The following RARS2 variants were observed in gnomAD, a reference collection of about 807,000 sequenced individuals.
RARS2 encodes the protein probable arginine--tRNA ligase, mitochondrial.
A neutral mutation model predicts 88.5 loss-of-function variants in RARS2; 67 were observed. That is an observed-to-expected ratio of 0.76 (90% CI 0.62 to 0.93). The LOEUF (loss-of-function observed/expected upper bound fraction) is 0.93. RARS2 is among the 40% of genes least tolerant of loss of function. The probability of loss-of-function intolerance (pLI) is 0.00; values close to 1 mark genes in which losing one functional copy is unlikely to be tolerated. For synonymous variants in RARS2, 239 were observed against 230.3 expected, an observed-to-expected ratio of 1.04 and a Z score of -0.34; for missense variants, 664 against 684.2, an observed-to-expected ratio of 0.97 and a Z score of 0.33.
intron 6 of RARS2, among the ~76,000 whole-genome samples, chr6:87,546,625 A>G (rs1396355101): frequency 6.6e-6 from 1 of 152,200 alleles, no homozygotes; most frequent in East Asian, 1.9e-4. Context: ...CCTTGATGAC[A>G]AGGTTCCATA....
intron 1 of RARS2, chr6:87,584,582 A>C (rs903217805): frequency 3.0e-6 from 1 of 338,000 alleles, no homozygotes; most frequent in African/African-American, 2.2e-5. Flanking sequence ...TTAGTTACAC[A>C]AATAGTGAAG....
chr6:87,576,862 A>C (rs1267484756), intron 1 of RARS2, among the ~76,000 whole-genome samples: 1 of 152,224 alleles, frequency 6.6e-6, no homozygotes, highest in East Asian at 1.9e-4. Context: ...CCAATCAAGA[A>C]AACTCCATGG....
In RARS2 at chr6:87,514,311, C is replaced by CAAA. The variant is rs5878032; in HGVS notation, c.*99_*101dup. On this transcript the variant is annotated 3_prime_UTR_variant, in exon 20 of 20. Transcript: ENST00000369536. ...GGGCAACAAGAGCGAAACTCCATCT[C>CAAA]AAAAAAAAAAAAAAAAAATTTAAAT... The CAAA allele has an allele frequency of 4.8e-4, 276 of 574,312 alleles. No individual in the cohort carries two copies. Among genetic ancestry groups the CAAA allele is most frequent in the Non-Finnish European group, 5.6e-4 (198 of 352,768 alleles). The allele number at this position is 574,312 out of a possible 1,614,324, so 35.6% of individuals were successfully genotyped here.
At chr6:87,581,782 G>A (rs1286922560) in intron 1 of RARS2, among the ~76,000 whole-genome samples, 1 of 152,056 alleles carries the variant, frequency 6.6e-6, no homozygotes, top group East Asian at 1.9e-4. Context: ...ACGCTGGTGT[G>A]TGTTCTTCCC....
At chr6:87,570,456 T>C (rs1769306433) in intron 1 of RARS2, among the ~76,000 whole-genome samples, 4 of 152,184 alleles carry the variant, frequency 2.6e-5, no homozygotes, top group African/African-American at 7.2e-5. Context: ...TCTCGCTCTG[T>C]CACCCAGGCT....
At position 87,571,919 on chromosome 6, in the gene RARS2, T is replaced by C. The variant is rs1490329892; in HGVS notation, c.37-2329A>G. ...GTACAATATTTTTATTTTCTAGACT[T>C]TAGGAAGTAAATTACTGTATTCCTT... On this transcript the variant is annotated intron_variant, in intron 1 of 19. Transcript: ENST00000369536. 1.3e-5 allele frequency among the ~76,000 whole-genome samples: 2 copies of C among 152,162 alleles called. 1 individual carries two copies. The highest frequency in any genetic ancestry group is 2.9e-5 in the Non-Finnish European group (2 of 68,026).
rs1770818011 is a variant in RARS2 at position 87,514,325 on chromosome 6, A to T, written c.*88T>A. 1 of 994,926 alleles carries T rather than the reference A, an allele frequency of 1.0e-6. No individual in the cohort carries two copies. The highest frequency in any genetic ancestry group is 1.5e-6 in the Non-Finnish European group (1 of 664,078). 61.6% of individuals were successfully genotyped at this position (994,926 alleles called of 1,614,324 possible). A position where few individuals can be genotyped will look rare whatever the true frequency, so the allele number is the denominator to read the frequency against. ...AAACTCCATCTCAAAAAAAAAAAAA[A>T]AAAATTTAAATTTATTCTGAACAGC... On this transcript the variant is annotated 3_prime_UTR_variant, in exon 20 of 20. Transcript: ENST00000369536.
chr6:87,551,146 T>G (rs1484729743), intron 5 of RARS2, among the ~76,000 whole-genome samples: 1 of 152,162 alleles, frequency 6.6e-6, no homozygotes, highest in Non-Finnish European at 1.5e-5. Flanking sequence ...TCCCTTGAAA[T>G]CAACAATTTG....
At chr6:87,537,106 G>C (rs1562123021) in intron 8 of RARS2, among the ~76,000 whole-genome samples, 1 of 152,190 alleles carries the variant, frequency 6.6e-6, no homozygotes, top group African/African-American at 2.4e-5. Context: ...ACTGATTATA[G>C]TGCAATTTAG....
chr6:87,584,614 C>A, intron 1 of RARS2: 1 of 379,044 alleles, frequency 2.6e-6, no homozygotes, highest in Non-Finnish European at 5.2e-6. Context: ...ATCCTTCCCA[C>A]CATTATTAAG....
chr6:87,575,446 T>G (rs1771182018), intron 1 of RARS2, among the ~76,000 whole-genome samples: 1 of 152,166 alleles, frequency 6.6e-6, no homozygotes, highest in South Asian at 2.1e-4. Flanking sequence ...TTAATTTCCA[T>G]GGTACCTCGT....
chr6:87,524,787 A>G (rs1775124217), intron 10 of RARS2, 135 bp from the exon 11 acceptor site: 4 of 682,410 alleles, frequency 5.9e-6, no homozygotes, highest in Non-Finnish European at 7.8e-6. Context: ...TTCAAGCTTT[A>G]ATCAACAATG....
intron 1 of RARS2, among the ~76,000 whole-genome samples, chr6:87,571,628 G>T (rs1769769642): frequency 1.3e-5 from 2 of 152,212 alleles, no homozygotes; most frequent in Admixed American, 6.5e-5. Context: ...GAAAAAGTAA[G>T]AATGTAAGAA....
intron 11 of RARS2, among the ~76,000 whole-genome samples, chr6:87,523,772 G>A (rs1167568507): frequency 6.6e-6 from 1 of 152,102 alleles, no homozygotes; most frequent in Non-Finnish European, 1.5e-5. Context: ...TATAACCACT[G>A]TGCAATAGTT....
chr6:87,574,828 T>C (rs1770879609), intron 1 of RARS2, among the ~76,000 whole-genome samples: 1 of 151,968 alleles, frequency 6.6e-6, no homozygotes, highest in African/African-American at 2.4e-5. Context: ...CTTTTTACCA[T>C]AAAACTAATA....
intron 1 of RARS2, among the ~76,000 whole-genome samples, chr6:87,581,136 G>A (rs757150748): frequency 3.3e-5 from 5 of 152,078 alleles, no homozygotes; most frequent in Admixed American, 6.6e-5. Flanking sequence ...TCTCAGTCTG[G>A]CTCTAGATAG....
chr6:87,585,732 AAAATAAAT>A (rs59852322), intron 1 of RARS2, among the ~76,000 whole-genome samples: 2 of 151,088 alleles, frequency 1.3e-5, no homozygotes, highest in East Asian at 1.9e-4. Flanking sequence ...ACTCCATCTC[AAAATAAAT>A]AAATAAATAA....
intron 2 of RARS2, chr6:87,564,639 A>C (rs983115833): frequency 1.7e-5 from 5 of 299,486 alleles, no homozygotes; most frequent in African/African-American, 1.1e-4. Context: ...ACTGCACTCC[A>C]GCCTGGGTGA....
At chr6:87,535,717 C>A (rs1778939905) in intron 8 of RARS2, among the ~76,000 whole-genome samples, 1 of 145,592 alleles carries the variant, frequency 6.9e-6, no homozygotes. Flanking sequence ...CGCTCTGTTG[C>A]CCAGGCTGGA....
Sources: gnomAD v4.1 joint callset for allele counts (sites outside exome capture counted in the v4.1 genomes callset) on GRCh38, gnomAD v4.1.1 for gene constraint, MANE v1.5 for transcripts, NCBI Gene and HGNC (gene_info 2026-07-23, HGNC 2026-07-21) for gene names.